Variants in ABCC4 observed in about 807,000 individuals in gnomAD.
ABCC4 encodes ATP-binding cassette sub-family C member 4.
In ABCC4, 102 loss-of-function variants were observed where a neutral mutation model predicts 168.5. The ratio of observed to expected loss-of-function variants is 0.61; its 90% CI spans 0.52 to 0.71. The LOEUF (loss-of-function observed/expected upper bound fraction) is 0.71. ABCC4 is among the 30% of genes least tolerant of loss of function. The pLI is 0.00. For synonymous variants in ABCC4, 617 were observed against 590.7 expected (o/e 1.04, Z -0.65); for missense variants, 1,402 against 1,605.8 (o/e 0.87, Z 2.17).
At chr13:95,180,902 G>A (rs758632810) in intron 11 of ABCC4, among the ~76,000 whole-genome samples, 16 of 152,282 alleles carry the variant, frequency 1.1e-4, no homozygotes, top group Middle Eastern at 3.4e-3. Flanking sequence ...GTACTACAAC[G>A]ACCTTGAGTG....
intron 19 of ABCC4, among the ~76,000 whole-genome samples, chr13:95,127,464 G>T (rs1411897354): frequency 6.6e-6 from 1 of 151,990 alleles, no homozygotes; most frequent in Admixed American, 6.6e-5. Context: ...TATTTTTAGA[G>T]ACGAGGTTTC....
At chr13:95,091,961 TG>T (rs2034449448) in intron 20 of ABCC4, among the ~76,000 whole-genome samples, 2 of 151,774 alleles carry the variant, frequency 1.3e-5, no homozygotes, top group Admixed American at 1.3e-4. Flanking sequence ...CTTAAAGGGG[TG>T]GAAAAAGGAT....
intron 20 of ABCC4, among the ~76,000 whole-genome samples, chr13:95,093,459 A>G (rs1429066330): frequency 6.6e-6 from 1 of 152,214 alleles, no homozygotes. Context: ...TCATCTCAAT[A>G]GATGCAGAAA....
chr13:95,074,873 G>C (rs1445838429), intron 22 of ABCC4, among the ~76,000 whole-genome samples: 1 of 152,096 alleles, frequency 6.6e-6, no homozygotes, highest in East Asian at 1.9e-4. Context: ...CATTTAATCA[G>C]CAAGATAAAA....
intron 9 of ABCC4, among the ~76,000 whole-genome samples, chr13:95,191,918 G>C (rs760600957): frequency 6.6e-6 from 1 of 152,244 alleles, no homozygotes; most frequent in Non-Finnish European, 1.5e-5. Flanking sequence ...ACCCAGCACT[G>C]GTGGGCTGCA....
At chr13:95,029,879 C>A (rs979974192) in intron 30 of ABCC4, among the ~76,000 whole-genome samples, 1 of 152,196 alleles carries the variant, frequency 6.6e-6, no homozygotes, top group Non-Finnish European at 1.5e-5. Flanking sequence ...CTGAGGCTCA[C>A]AGGCCTTGGG....
chr13:95,075,408 A>C, intron 22 of ABCC4, 24 bp downstream of exon 22: 1 of 1,613,842 alleles, frequency 6.2e-7, no homozygotes, highest in South Asian at 1.1e-5. Flanking sequence ...TGTCCTTTGA[A>C]ACCATTTCCA....
At chr13:95,090,905 T>G (rs772442429) in intron 20 of ABCC4, among the ~76,000 whole-genome samples, 6 of 151,192 alleles carry the variant, frequency 4.0e-5, no homozygotes, top group Non-Finnish European at 8.9e-5. Flanking sequence ...AAGGGAGAAA[T>G]AGTCAAAGAA....
chr13:95,140,106 C>A lies in ABCC4; in HGVS notation c.2455+21083G>T, dbSNP rs772375687. On this transcript the variant is annotated intron_variant, in intron 19 of 30. Transcript: ENST00000645237. ...GTCTTACCTTCAGTTCTGCTTCTTC[C>A]AAAAGTCTCCTCACTCATGATGTCA... Among the ~76,000 whole-genome samples, 127 of 152,198 alleles carry A rather than the reference C, an allele frequency of 8.3e-4. 3 individuals are homozygous for A. Among genetic ancestry groups the A allele is most frequent in the Non-Finnish European group, 4.1e-4 (28 of 68,042 alleles).
At chr13:95,062,189 G>T (rs2033325387) in intron 26 of ABCC4, among the ~76,000 whole-genome samples, 1 of 152,058 alleles carries the variant, frequency 6.6e-6, no homozygotes, top group Non-Finnish European at 1.5e-5. Context: ...CAACCTCCTG[G>T]TTAAAATCAT....
chr13:95,119,654 G>A (rs1397224660), intron 19 of ABCC4, among the ~76,000 whole-genome samples: 1 of 152,146 alleles, frequency 6.6e-6, no homozygotes, highest in Non-Finnish European at 1.5e-5. Flanking sequence ...CTCCCATGAC[G>A]AAGACTTCCC....
chr13:95,071,029 A>G (rs1371118020), intron 25 of ABCC4, among the ~76,000 whole-genome samples: 2 of 151,740 alleles, frequency 1.3e-5, no homozygotes, highest in Non-Finnish European at 2.9e-5. Context: ...ATGATAGTGA[A>G]TAAGTATCAT....
chr13:95,152,431 T>C (rs1197417583), intron 19 of ABCC4, among the ~76,000 whole-genome samples: 1 of 152,194 alleles, frequency 6.6e-6, no homozygotes, highest in Non-Finnish European at 1.5e-5. Context: ...AGATACAGTG[T>C]ATCCAATCCT....
intron 1 of ABCC4, among the ~76,000 whole-genome samples, chr13:95,255,339 G>A (rs2040366178): frequency 6.6e-6 from 1 of 152,188 alleles, no homozygotes; most frequent in African/African-American, 2.4e-5. Flanking sequence ...CCATGGCCTG[G>A]CTCCAAGGGG....
chr13:95,143,356 A>C (rs1256843361), intron 19 of ABCC4, among the ~76,000 whole-genome samples: 1 of 152,218 alleles, frequency 6.6e-6, no homozygotes, highest in Non-Finnish European at 1.5e-5. Context: ...GATGAGTCCT[A>C]TTAAAAGTTC....
intron 19 of ABCC4, among the ~76,000 whole-genome samples, chr13:95,127,625 G>GC (rs1279993639): frequency 6.6e-6 from 1 of 152,002 alleles, no homozygotes; most frequent in Non-Finnish European, 1.5e-5. Flanking sequence ...CTGCTACCCT[G>GC]CCCATCTGCT....
intron 1 of ABCC4, among the ~76,000 whole-genome samples, chr13:95,297,245 A>AC (rs1160415657): frequency 1.4e-5 from 2 of 147,994 alleles, no homozygotes; most frequent in African/African-American, 4.9e-5. Context: ...CCAGCCTGGC[A>AC]ACAGAGCTAA....
chr13:95,262,928 C>T (rs560171639), intron 1 of ABCC4, among the ~76,000 whole-genome samples: 16 of 152,304 alleles, frequency 1.1e-4, no homozygotes, highest in African/African-American at 3.8e-4. Context: ...AGCTACCACG[C>T]CCAGCTGACA....
At chr13:95,049,072 G>C (rs898985515) in intron 27 of ABCC4, among the ~76,000 whole-genome samples, 1 of 152,184 alleles carries the variant, frequency 6.6e-6, no homozygotes, top group Non-Finnish European at 1.5e-5. Context: ...GGTGGCTCAC[G>C]CCTGTAATCC....
Sources: gnomAD v4.1 joint callset for allele counts (sites outside exome capture counted in the v4.1 genomes callset) on GRCh38, gnomAD v4.1.1 for gene constraint, MANE v1.5 for transcripts, NCBI Gene and HGNC (gene_info 2026-07-23, HGNC 2026-07-21) for gene names.